Variants in OTUD7A observed in about 807,000 individuals in gnomAD.
OTUD7A encodes the protein OTU domain-containing protein 7A.
A neutral mutation model predicts 65.7 loss-of-function variants in OTUD7A; 12 were observed. The observed-to-expected ratio is 0.18, with a 90% CI of 0.12 to 0.30. The LOEUF is 0.30. Among genes scored for constraint, OTUD7A ranks in the 10% least tolerant of loss-of-function variants. The pLI, the probability that OTUD7A is intolerant of heterozygous loss-of-function variation, is 1.00. For synonymous variants in OTUD7A, 641 were observed against 586.3 expected, an observed-to-expected ratio of 1.09 and a Z score of -1.35; for missense variants, 1,148 against 1,304.8, an observed-to-expected ratio of 0.88 and a Z score of 1.85.
intron 1 of OTUD7A, among the ~76,000 whole-genome samples, chr15:31,657,330 A>T (rs190756490): frequency 6.6e-6 from 1 of 151,978 alleles, no homozygotes; most frequent in African/African-American, 2.4e-5. Context: ...GATTACTTGC[A>T]CAGCACAGAG....
At chr15:31,528,181 A>G (rs2042039748) in intron 6 of OTUD7A, among the ~76,000 whole-genome samples, 1 of 152,246 alleles carries the variant, frequency 6.6e-6, no homozygotes, top group South Asian at 2.1e-4. Context: ...AGGCTGGCAC[A>G]GAGTGTACGA....
At chr15:31,578,974 C>T (rs930168758) in intron 3 of OTUD7A, among the ~76,000 whole-genome samples, 3 of 152,200 alleles carry the variant, frequency 2.0e-5, no homozygotes, top group African/African-American at 7.2e-5. Context: ...TGTCATGGGC[C>T]ATGGTCACTC....
rs545396521 is a variant in OTUD7A, at chr15:31,479,931, A to T, written c.*3363T>A. The T allele has an allele frequency of 6.6e-6, 1 of 152,378 alleles. No homozygotes were observed. Among genetic ancestry groups the T allele is most frequent in the Non-Finnish European group, 1.5e-5 (1 of 68,036 alleles). The allele number at this position is 152,378 out of a possible 1,614,324, so 9.4% of individuals were successfully genotyped here. ...AGTGAATACAAAGTATTCATTTAAG[A>T]GGAAAGGTGCAGTACCAAAATCCAT... is the stretch of plus-strand genomic sequence containing the variant. On this transcript the variant is annotated 3_prime_UTR_variant, in exon 13 of 13. Coordinates refer to ENST00000307050, the MANE Select transcript of OTUD7A (RefSeq NM_001382637.1).
chr15:31,505,516 A>T (rs1330926380), intron 8 of OTUD7A, among the ~76,000 whole-genome samples: 1 of 152,128 alleles, frequency 6.6e-6, no homozygotes, highest in Non-Finnish European at 1.5e-5. Flanking sequence ...AAAGGCTTTG[A>T]AGAGAAAACT....
At chr15:31,864,411 A>G (rs980224509) in intron 1 of OTUD7A, among the ~76,000 whole-genome samples, 3 of 152,228 alleles carry the variant, frequency 2.0e-5, no homozygotes, top group Non-Finnish European at 4.4e-5. Flanking sequence ...TTACAGTTCC[A>G]CACGGCTGGG....
intron 5 of OTUD7A, among the ~76,000 whole-genome samples, chr15:31,547,826 TAAAC>T (rs1277268190): frequency 1.3e-5 from 2 of 152,162 alleles, no homozygotes; most frequent in Non-Finnish European, 2.9e-5. Context: ...GCTCTAATCA[TAAAC>T]AAAACACAAA....
At chr15:31,755,488 G>T (rs28590703) in intron 1 of OTUD7A, among the ~76,000 whole-genome samples, 7 of 152,116 alleles carry the variant, frequency 4.6e-5, no homozygotes, top group Non-Finnish European at 7.4e-5. Flanking sequence ...TTGGGAGGCC[G>T]AGGTGGGTGG....
intron 3 of OTUD7A, among the ~76,000 whole-genome samples, chr15:31,578,847 G>T (rs1275100644): frequency 1.3e-5 from 2 of 152,144 alleles, no homozygotes; most frequent in African/African-American, 4.8e-5. Flanking sequence ...CACTGTGCCT[G>T]GCCCCAGTGT....
intron 1 of OTUD7A, among the ~76,000 whole-genome samples, chr15:31,794,222 T>C (rs190335994): frequency 1.3e-5 from 2 of 152,320 alleles, no homozygotes; most frequent in African/African-American, 4.8e-5. Flanking sequence ...CACACAAATA[T>C]CTGTCTCTAA....
At chr15:31,518,723 A>G (rs537885515) in intron 8 of OTUD7A, among the ~76,000 whole-genome samples, 4 of 152,336 alleles carry the variant, frequency 2.6e-5, no homozygotes, top group Non-Finnish European at 4.4e-5. Flanking sequence ...CATTTCTGAG[A>G]GGTGTGCCTC....
chr15:31,807,452 T>C (rs1250588576), intron 1 of OTUD7A, among the ~76,000 whole-genome samples: 3 of 152,162 alleles, frequency 2.0e-5, no homozygotes, highest in Non-Finnish European at 2.9e-5. Flanking sequence ...AACTCGTACA[T>C]GTTATTTTCT....
intron 8 of OTUD7A, among the ~76,000 whole-genome samples, chr15:31,525,744 G>A (rs139653016): frequency 3.9e-5 from 6 of 152,356 alleles, no homozygotes; most frequent in Admixed American, 1.3e-4. Context: ...GTCTGGCCAC[G>A]GTCTTCATTC....
At chr15:31,562,193 T>C (rs1888713578) in intron 4 of OTUD7A, among the ~76,000 whole-genome samples, 1 of 152,140 alleles carries the variant, frequency 6.6e-6, no homozygotes, top group Non-Finnish European at 1.5e-5. Flanking sequence ...GGGGAGAGGC[T>C]GCCCCTCCCA....
At chr15:31,745,588 C>T (rs1404431017) in intron 1 of OTUD7A, among the ~76,000 whole-genome samples, 1 of 152,098 alleles carries the variant, frequency 6.6e-6, no homozygotes, top group Admixed American at 6.5e-5. Flanking sequence ...TAACCTTTTT[C>T]AGAAGTAAAC....
intron 1 of OTUD7A, among the ~76,000 whole-genome samples, chr15:31,841,835 T>C (rs1406489830): frequency 1.3e-5 from 2 of 152,144 alleles, no homozygotes; most frequent in African/African-American, 4.8e-5. Context: ...AGATGGAATA[T>C]GTCCTATGCT....
intron 4 of OTUD7A, among the ~76,000 whole-genome samples, chr15:31,569,548 C>T (rs1566924809): frequency 6.6e-6 from 1 of 152,210 alleles, no homozygotes; most frequent in South Asian, 2.1e-4. Flanking sequence ...GAGGCGAATG[C>T]TCTTAAGTTT....
chr15:31,823,034 T>C (rs905439), intron 1 of OTUD7A, among the ~76,000 whole-genome samples: 142,535 of 152,288 alleles, frequency 0.94, 67,426 homozygotes, highest in East Asian at 1. Context: ...GGTTGGAGAA[T>C]AATGTTCAAA....
chr15:31,648,390 G>T (rs189570013), intron 3 of OTUD7A, among the ~76,000 whole-genome samples: 117 of 152,262 alleles, frequency 7.7e-4, no homozygotes, highest in African/African-American at 2.8e-3. Context: ...ACAAGTCCTT[G>T]AGCTGATTTC....
chr15:31,658,276 A>C (rs528034173), intron 1 of OTUD7A, among the ~76,000 whole-genome samples: 1 of 152,334 alleles, frequency 6.6e-6, no homozygotes, highest in East Asian at 1.9e-4. Flanking sequence ...TGAACTCTCA[A>C]CAGGGACCCT....
Sources: allele counts gnomAD v4.1 joint callset (sites outside exome capture counted in the v4.1 genomes callset), GRCh38; gene constraint gnomAD v4.1.1; transcripts MANE v1.5; gene names NCBI Gene and HGNC (gene_info 2026-07-23, HGNC 2026-07-21).